Variants in ANKFN1 observed in about 807,000 individuals in gnomAD.
ANKFN1 encodes ankyrin repeat and fibronectin type III domain containing 1, also known as ankyrin repeat and fibronectin type-III domain-containing protein 1.
Under a neutral mutation model 108.7 loss-of-function variants are expected in ANKFN1, and 74 were observed. The ratio of observed to expected loss-of-function variants is 0.68; its 90% confidence interval spans 0.56 to 0.83. The LOEUF (loss-of-function observed/expected upper bound fraction) is 0.83, where lower values mean the gene tolerates loss of function less well. Ranked by LOEUF, ANKFN1 falls within the 40% of genes least tolerant of loss-of-function variation. The pLI is 0.00. For missense variants in ANKFN1, 1,505 were observed against 1,382.3 expected, an observed-to-expected ratio of 1.09 and a Z score of -1.41; for synonymous variants, 547 against 516.2, an observed-to-expected ratio of 1.06 and a Z score of -0.81.
intron 10 of ANKFN1, among the ~76,000 whole-genome samples, chr17:56,446,332 T>C (rs2049286083): frequency 6.6e-6 from 1 of 152,216 alleles, no homozygotes; most frequent in Non-Finnish European, 1.5e-5. Context: ...TATCTTATCA[T>C]GAGCACTTCA....
At chr17:56,175,194 C>G (rs1911035209) in intron 1 of ANKFN1, among the ~76,000 whole-genome samples, 1 of 152,112 alleles carries the variant, frequency 6.6e-6, no homozygotes, top group South Asian at 2.1e-4. Flanking sequence ...GATTGAGGAC[C>G]TACTTCATAT....
chr17:56,164,289 T>TACTCTG (rs1185134011), intron 1 of ANKFN1, among the ~76,000 whole-genome samples: 1 of 152,158 alleles, frequency 6.6e-6, no homozygotes, highest in African/African-American at 2.4e-5. Context: ...AGATGCCAGA[T>TACTCTG]CCTCTGGGAA....
At chr17:56,331,857 G>A (rs528206085) in intron 4 of ANKFN1, among the ~76,000 whole-genome samples, 10 of 152,184 alleles carry the variant, frequency 6.6e-5, no homozygotes, top group African/African-American at 1.9e-4. Flanking sequence ...CATCAAGAGT[G>A]AAGAAAAAAG....
At chr17:56,185,528 C>T (rs1025884019) in intron 1 of ANKFN1, among the ~76,000 whole-genome samples, 6 of 152,054 alleles carry the variant, frequency 3.9e-5, no homozygotes, top group African/African-American at 1.4e-4. Flanking sequence ...AAATGGCCTA[C>T]AAATATGTTC....
intron 3 of ANKFN1, among the ~76,000 whole-genome samples, chr17:56,259,927 C>CAT (rs2043464488): frequency 6.6e-6 from 1 of 151,682 alleles, no homozygotes; most frequent in African/African-American, 2.4e-5. Flanking sequence ...CACACACACA[C>CAT]ACACACACAC....
rs1251358597 is a variant in ANKFN1, at chr17:56,457,695, CT to C, written c.1441-163del. ...CTGACCGTTTCATTAACATTCAGATCTTTTTCCAATTGGACAGAGATCAAAA... is the reference window on the plus strand; with the variant it reads ...CTGACCGTTTCATTAACATTCAGATCTTTTCCAATTGGACAGAGATCAAAA... On this transcript the variant is annotated intron_variant, in intron 13 of 20. Transcript: ENST00000682825. 2.6e-5 allele frequency among the ~76,000 whole-genome samples: 4 copies of C among 152,136 alleles called. No homozygotes were observed. The East Asian group carries it at 5.8e-4, about 22-fold the overall frequency.
intron 4 of ANKFN1, among the ~76,000 whole-genome samples, chr17:56,065,593 G>A (rs2143121822): frequency 6.6e-6 from 1 of 152,220 alleles, no homozygotes; most frequent in East Asian, 1.9e-4. Context: ...CTGTTTTGGG[G>A]TTACTAATTG....
chr17:56,483,018 A>C (rs1205263672), intron 18 of ANKFN1, among the ~76,000 whole-genome samples: 1 of 152,198 alleles, frequency 6.6e-6, no homozygotes, highest in African/African-American at 2.4e-5. Flanking sequence ...TGGAGGGGAA[A>C]AAAGCCTACA....
chr17:56,070,282 T>C (rs2143134936), intron 4 of ANKFN1, among the ~76,000 whole-genome samples: 1 of 152,326 alleles, frequency 6.6e-6, no homozygotes, highest in East Asian at 1.9e-4. Flanking sequence ...GAGAAGGCTC[T>C]AGAGGAGAAT....
intron 4 of ANKFN1, among the ~76,000 whole-genome samples, chr17:56,137,760 A>G (rs1430035028): frequency 6.6e-6 from 1 of 152,120 alleles, no homozygotes; most frequent in Non-Finnish European, 1.5e-5. Context: ...TAAGGATGAT[A>G]TTTTTCTTAT....
chr17:56,298,692 G>T (rs200632865), intron 3 of ANKFN1, among the ~76,000 whole-genome samples: 6,900 of 152,132 alleles, frequency 0.045, 474 homozygotes, highest in African/African-American at 0.15. Context: ...TATATATAGA[G>T]AGAGAGAGAT....
rs771250178 is a variant in ANKFN1, at chr17:56,510,822, A to G, written c.2994A>G (p.Gly998=). 1 of 1,536,160 alleles carries G rather than the reference A, an allele frequency of 6.5e-7. No homozygotes were observed. The highest frequency in any genetic ancestry group is 1.2e-5 in the South Asian group (1 of 84,054). Residue 998 remains glycine (G), a synonymous_variant, in exon 21 of 21, where the codon GGA becomes GGG. Coordinates refer to ENST00000682825, the MANE Select transcript of ANKFN1 (RefSeq NM_001370326.1). ...GGCGGCCCCCGCTAGGCTTCCTGGG[A>G]AAGCGGAAGCCAGGCAAGCACCCCC... The part of the protein sequence containing the change: ...SGGRPPLGFL[G]KRKPGKHPHY...
chr17:56,055,589 G>GTA lies in ANKFN1; in HGVS notation c.288+9271_288+9272dup, dbSNP rs1278910527. On this transcript the variant is annotated intron_variant, in intron 4 of 12. Transcript: ENST00000635860. ...TACATATATATATATATATATATAT[G>GTA]TATATATACACATTTTTTTATCCAG... is the stretch of plus-strand genomic sequence containing the variant. 9.0e-4 allele frequency among the ~76,000 whole-genome samples: 79 copies of GTA among 88,242 alleles called. 3 individuals carry two copies. The highest frequency in any genetic ancestry group is 4.8e-3 in the African/African-American group (75 of 15,466). The allele number at this position is 88,242 out of a possible 152,430, so 57.9% of individuals were successfully genotyped here. A position where few individuals can be genotyped will look rare whatever the true frequency, so the allele number is the denominator to read the frequency against.
chr17:56,198,357 T>C (rs1244778514), intron 1 of ANKFN1, among the ~76,000 whole-genome samples: 1 of 152,176 alleles, frequency 6.6e-6, no homozygotes, highest in African/African-American at 2.4e-5. Context: ...CATGCACTGT[T>C]CACAGTAGGG....
chr17:56,141,899 CCT>C (rs1024518377), intron 4 of ANKFN1, among the ~76,000 whole-genome samples: 67 of 151,664 alleles, frequency 4.4e-4, no homozygotes, highest in Non-Finnish European at 4.7e-4. Flanking sequence ...AAGATAGCCC[CCT>C]CTTTTTCATA....
chr17:56,460,032 C>G (rs749435027), intron 14 of ANKFN1, among the ~76,000 whole-genome samples: 2 of 145,426 alleles, frequency 1.4e-5, no homozygotes, highest in Non-Finnish European at 3.0e-5. Flanking sequence ...TCCAACATGT[C>G]TAAAGTAGTT....
intron 4 of ANKFN1, among the ~76,000 whole-genome samples, chr17:56,136,006 C>G (rs1194408213): frequency 1.3e-5 from 2 of 152,100 alleles, no homozygotes; most frequent in African/African-American, 4.8e-5. Context: ...AAAAAGGTAT[C>G]ATTTCATGCT....
chr17:56,389,224 A>G (rs1344857824), intron 8 of ANKFN1, among the ~76,000 whole-genome samples: 1 of 152,212 alleles, frequency 6.6e-6, no homozygotes, highest in Non-Finnish European at 1.5e-5. Context: ...CTACTCAGCA[A>G]CTAAAAAACC....
At chr17:56,366,840 A>G (rs899743949) in intron 6 of ANKFN1, among the ~76,000 whole-genome samples, 1 of 152,226 alleles carries the variant, frequency 6.6e-6, no homozygotes, top group African/African-American at 2.4e-5. Context: ...TTCTCAGAAC[A>G]TATCCCTGTT....
Sources: allele counts gnomAD v4.1 joint callset (sites outside exome capture counted in the v4.1 genomes callset), GRCh38; gene constraint gnomAD v4.1.1; transcripts MANE v1.5; gene names NCBI Gene and HGNC (gene_info 2026-07-23, HGNC 2026-07-21).